Variants in ADAMTS18 observed in about 807,000 individuals in gnomAD.
ADAMTS18 encodes A disintegrin and metalloproteinase with thrombospondin motifs 18.
Under a neutral mutation model 165.9 loss-of-function variants are expected in ADAMTS18, and 157 were observed. That is an observed-to-expected ratio of 0.95 (90% CI 0.83 to 1.08). The LOEUF (loss-of-function observed/expected upper bound fraction) is 1.08, where lower values mean the gene tolerates loss of function less well. Ranked by LOEUF, ADAMTS18 falls within the 50% of genes least tolerant of loss-of-function variation. The pLI is 0.00. For missense variants in ADAMTS18, 2,040 were observed against 1,534.0 expected (o/e 1.33, Z -5.51); for synonymous variants, 782 against 578.2 (o/e 1.35, Z -5.06).
chr16:77,336,844 G>C (rs975817801), intron 11 of ADAMTS18, among the ~76,000 whole-genome samples: 2 of 152,194 alleles, frequency 1.3e-5, no homozygotes, highest in Admixed American at 6.5e-5. Context: ...TTATGAGAAA[G>C]TTCTGCATGA....
At chr16:77,414,239 T>C (rs2057501431) in intron 3 of ADAMTS18, among the ~76,000 whole-genome samples, 2 of 152,208 alleles carry the variant, frequency 1.3e-5, no homozygotes, top group Admixed American at 1.3e-4. Flanking sequence ...ACAAAGGGAC[T>C]ATTACTCAAC....
At chr16:77,391,810 A>T (rs1432561511) in intron 3 of ADAMTS18, among the ~76,000 whole-genome samples, 2 of 152,196 alleles carry the variant, frequency 1.3e-5, no homozygotes, top group Non-Finnish European at 2.9e-5. Flanking sequence ...GGACCCAGGA[A>T]TTCATTTTAG....
intron 10 of ADAMTS18, among the ~76,000 whole-genome samples, chr16:77,343,355 T>C (rs1371474954): frequency 1.3e-5 from 2 of 152,254 alleles, no homozygotes; most frequent in African/African-American, 4.8e-5. Flanking sequence ...ATTGCTCACA[T>C]GAGCCACCTT....
Position 77,400,637 on chromosome 16 carries a change from G to A in ADAMTS18, c.495+30658C>T, listed in dbSNP as rs974349782. 4.0e-5 allele frequency among the ~76,000 whole-genome samples: 6 copies of A among 151,694 alleles called. No individual in the cohort carries two copies. The South Asian group carries it at 1.0e-3, about 26-fold the overall frequency. ...GCTGGGACTACAGGCGCCCGTCACC[G>A]CACCCGGCTAATTTTTTGTATTTTT... On this transcript the variant is annotated intron_variant, in intron 3 of 22. Coordinates refer to ENST00000282849, the MANE Select transcript of ADAMTS18 (RefSeq NM_199355.4).
chr16:77,286,623 C>G (rs1282942030), intron 22 of ADAMTS18, among the ~76,000 whole-genome samples: 1 of 152,150 alleles, frequency 6.6e-6, no homozygotes, highest in Non-Finnish European at 1.5e-5. Flanking sequence ...GTGGATTCAA[C>G]TCTATTTTTA....
chr16:77,434,585 G>A, intron 1 of ADAMTS18, 21 bp downstream of exon 1: 3 of 1,527,888 alleles, frequency 2.0e-6, no homozygotes, highest in Non-Finnish European at 2.6e-6. Flanking sequence ...CGCTCTCGGA[G>A]CTCCGCTCGG....
At chr16:77,428,445 A>G (rs1384700508) in intron 3 of ADAMTS18, among the ~76,000 whole-genome samples, 4 of 152,220 alleles carry the variant, frequency 2.6e-5, no homozygotes, top group Admixed American at 2.6e-4. Flanking sequence ...AACCATCAGA[A>G]CAATGCAAAC....
chr16:77,323,192 G>C (rs2056034292), intron 13 of ADAMTS18, among the ~76,000 whole-genome samples: 1 of 152,110 alleles, frequency 6.6e-6, no homozygotes, highest in Admixed American at 6.6e-5. Context: ...TTCTCAAATA[G>C]AAAGAGCTCT....
chr16:77,293,041 A>G (rs748176701), intron 20 of ADAMTS18, 35 bp downstream of exon 20: 1 of 1,613,224 alleles, frequency 6.2e-7, no homozygotes, highest in Non-Finnish European at 8.5e-7. Context: ...GGATGGTCTC[A>G]ATCTCCTGAC....
chr16:77,334,656 T>A (rs1377491651), intron 12 of ADAMTS18, among the ~76,000 whole-genome samples: 4 of 113,122 alleles, frequency 3.5e-5, no homozygotes, highest in Non-Finnish European at 6.7e-5. Context: ...ATACACTATA[T>A]ACTGTATATA....
At chr16:77,324,251 A>G (rs2056055042) in intron 13 of ADAMTS18, among the ~76,000 whole-genome samples, 1 of 152,216 alleles carries the variant, frequency 6.6e-6, no homozygotes, top group Non-Finnish European at 1.5e-5. Flanking sequence ...TATACAACCA[A>G]CAGAAAGGAA....
chr16:77,310,534 TC>T (rs142593324), intron 16 of ADAMTS18, among the ~76,000 whole-genome samples: 7,458 of 152,316 alleles, frequency 0.049, 498 homozygotes, highest in African/African-American at 0.15. Flanking sequence ...CCATGTTGCT[TC>T]CCAAAAGAAT....
intron 3 of ADAMTS18, among the ~76,000 whole-genome samples, chr16:77,386,209 G>C (rs2057105239): frequency 6.6e-6 from 1 of 152,162 alleles, no homozygotes; most frequent in African/African-American, 2.4e-5. Context: ...TTTTGATGCT[G>C]CTGCATATTG....
chr16:77,407,193 C>A (rs1305437427), intron 3 of ADAMTS18, among the ~76,000 whole-genome samples: 3 of 151,946 alleles, frequency 2.0e-5, no homozygotes, highest in Non-Finnish European at 4.4e-5. Context: ...TTTATTTATA[C>A]CTATCTGTAG....
intron 3 of ADAMTS18, among the ~76,000 whole-genome samples, chr16:77,373,288 C>T (rs1053346233): frequency 6.6e-6 from 1 of 151,880 alleles, no homozygotes; most frequent in Non-Finnish European, 1.5e-5. Flanking sequence ...TCCTGGCTAA[C>T]ACAGTGAAAC....
At chr16:77,392,012 A>T (rs2057194128) in intron 3 of ADAMTS18, among the ~76,000 whole-genome samples, 1 of 152,218 alleles carries the variant, frequency 6.6e-6, no homozygotes, top group African/African-American at 2.4e-5. Flanking sequence ...TTAGTATCAG[A>T]AAAACAGTCT....
chr16:77,290,003 A>C (rs2055331879), intron 21 of ADAMTS18, among the ~76,000 whole-genome samples: 1 of 152,190 alleles, frequency 6.6e-6, no homozygotes, highest in Non-Finnish European at 1.5e-5. Flanking sequence ...TTATAAAGAT[A>C]CTTCATAACA....
chr16:77,430,415 A>T (rs570969781), intron 3 of ADAMTS18, among the ~76,000 whole-genome samples: 27 of 152,122 alleles, frequency 1.8e-4, no homozygotes, highest in Non-Finnish European at 3.4e-4. Context: ...TACCCAAGCC[A>T]CCCCTCTTGC....
At chr16:77,307,974 A>G (rs2055711516) in intron 16 of ADAMTS18, among the ~76,000 whole-genome samples, 2 of 152,102 alleles carry the variant, frequency 1.3e-5, no homozygotes, top group South Asian at 4.2e-4. Flanking sequence ...CAAAGAGTGC[A>G]GGAAGTTGTT....
Sources: gnomAD v4.1 joint callset for allele counts (sites outside exome capture counted in the v4.1 genomes callset) on GRCh38, gnomAD v4.1.1 for gene constraint, MANE v1.5 for transcripts, NCBI Gene and HGNC (gene_info 2026-07-23, HGNC 2026-07-21) for gene names.